Variants in OXR1 observed in about 807,000 individuals in gnomAD.
The protein encoded by OXR1 is oxidation resistance protein 1.
OXR1 carries 41 observed loss-of-function variants against 104.6 expected under a neutral mutation model. The observed-to-expected ratio is 0.39, with a 90% CI of 0.31 to 0.51. The LOEUF (loss-of-function observed/expected upper bound fraction) is 0.51. Among genes scored for constraint, OXR1 ranks in the 20% least tolerant of loss-of-function variants. OXR1 has a pLI of 0.77. For missense variants in OXR1, 955 were observed against 1,031.9 expected, an observed-to-expected ratio of 0.93 and a Z score of 1.02; for synonymous variants, 348 against 348.4, an observed-to-expected ratio of 1.00 and a Z score of 0.01.
At chr8:106,670,875 C>A (rs994446355) in intron 3 of OXR1, among the ~76,000 whole-genome samples, 1 of 150,970 alleles carries the variant, frequency 6.6e-6, no homozygotes, top group Non-Finnish European at 1.5e-5. Context: ...ATGGGGAAAC[C>A]CTGTCTCTAC....
chr8:106,432,222 T>C (rs1819389696), intron 2 of OXR1, among the ~76,000 whole-genome samples: 2 of 152,138 alleles, frequency 1.3e-5, no homozygotes, highest in Admixed American at 1.3e-4. Flanking sequence ...AGTGCAACAC[T>C]ACTCCATCTT....
chr8:106,351,701 G>A (rs949908501), intron 1 of OXR1, among the ~76,000 whole-genome samples: 11 of 152,136 alleles, frequency 7.2e-5, no homozygotes, highest in Admixed American at 2.0e-4. Context: ...ACTTTACTGC[G>A]AGGGCAATAT....
intron 2 of OXR1, among the ~76,000 whole-genome samples, chr8:106,425,308 C>G (rs1819069516): frequency 6.6e-6 from 1 of 151,922 alleles, no homozygotes; most frequent in South Asian, 2.1e-4. Flanking sequence ...AAGCTGTTCT[C>G]CCTCCTTAGC....
At chr8:106,631,860 T>G (rs1822714421) in intron 3 of OXR1, among the ~76,000 whole-genome samples, 1 of 152,186 alleles carries the variant, frequency 6.6e-6, no homozygotes, top group South Asian at 2.1e-4. Flanking sequence ...ATCCCTTCAG[T>G]AAAGTTCTGA....
At position 106,483,931 on chromosome 8, in the gene OXR1, CCAAGGGAATTTGAAT is replaced by C. The variant is rs1822289555; in HGVS notation, c.24-35009_24-34995del. Among the ~76,000 whole-genome samples the C allele has an allele frequency of 2.0e-5, 3 of 151,902 alleles. No individual in the cohort carries two copies. In the South Asian group the frequency reaches 6.2e-4, roughly 32 times the overall value. On this transcript the variant is annotated intron_variant, in intron 2 of 16. Coordinates refer to ENST00000517566, the MANE Select transcript of OXR1 (RefSeq NM_001198533.2). The stretch of plus-strand genomic sequence containing the variant: ...TACATTTGATTTTGAAGAACTCAGC[CCAAGGGAATTTGAAT>C]CACTTGTTAGTCTCTCACTCTGTTT...
At chr8:106,434,454 G>A (rs770425030) in intron 2 of OXR1, among the ~76,000 whole-genome samples, 23 of 152,150 alleles carry the variant, frequency 1.5e-4, no homozygotes, top group Admixed American at 7.2e-4. Flanking sequence ...AGTATAGTAT[G>A]GACAGTTTCC....
chr8:106,586,793 G>A (rs1818663841), intron 3 of OXR1, among the ~76,000 whole-genome samples: 1 of 152,160 alleles, frequency 6.6e-6, no homozygotes, highest in Non-Finnish European at 1.5e-5. Flanking sequence ...CAGGTGGGAA[G>A]AAGATAGAGA....
intron 3 of OXR1, among the ~76,000 whole-genome samples, chr8:106,638,868 T>C (rs1436733141): frequency 7.0e-6 from 1 of 141,986 alleles, no homozygotes; most frequent in Non-Finnish European, 1.5e-5. Flanking sequence ...CACTCCAACC[T>C]GGGCGCAAGA....
At chr8:106,488,348 G>A (rs1254578886) in intron 2 of OXR1, among the ~76,000 whole-genome samples, 6 of 134,962 alleles carry the variant, frequency 4.4e-5, no homozygotes, top group Non-Finnish European at 9.5e-5. Context: ...AGTAGGTTGC[G>A]AAAATTTTCT....
rs1827153317 is a variant in OXR1 at position 106,672,575 on chromosome 8, AAAG to A, written c.221-6629_221-6627del. ...AAGAGAGAAAGGAAGGAAGGGAAAG[AAAG>A]AAGAAATAAACAAAAAGGACCTGCT... On this transcript the variant is annotated intron_variant, in intron 3 of 16. Coordinates refer to ENST00000517566, the MANE Select transcript of OXR1 (RefSeq NM_001198533.2). 3.3e-5 allele frequency among the ~76,000 whole-genome samples: 5 copies of A among 152,192 alleles called. No individual in the cohort carries two copies. In the South Asian group the frequency reaches 1.0e-3, roughly 32 times the overall value.
At chr8:106,697,343 CT>C in intron 7 of OXR1, 1 of 1,039,660 alleles carries the variant, frequency 9.6e-7, no homozygotes, top group East Asian at 2.4e-5. Flanking sequence ...CTGGGGCTCT[CT>C]GGGAATGTCA....
chr8:106,575,074 TC>T (rs1817731429), intron 3 of OXR1, among the ~76,000 whole-genome samples: 1 of 152,182 alleles, frequency 6.6e-6, no homozygotes, highest in African/African-American at 2.4e-5. Context: ...AAAATGTGAT[TC>T]TCAATATCAT....
chr8:106,605,950 G>GTGGATGATAATAATAAAATA (rs1475708457), intron 3 of OXR1, among the ~76,000 whole-genome samples: 3 of 152,158 alleles, frequency 2.0e-5, no homozygotes. Context: ...ATAATAAAAT[G>GTGGATGATAATAATAAAATA]TGGATGATAA....
intron 2 of OXR1, among the ~76,000 whole-genome samples, chr8:106,458,640 G>A (rs1171946578): frequency 3.3e-5 from 5 of 152,084 alleles, no homozygotes; most frequent in Non-Finnish European, 7.4e-5. Context: ...AGAACTGGAG[G>A]CATGAGACTC....
At chr8:106,428,608 C>CTTT (rs36049400) in intron 2 of OXR1, among the ~76,000 whole-genome samples, 2 of 139,150 alleles carry the variant, frequency 1.4e-5, no homozygotes, top group African/African-American at 5.3e-5. Flanking sequence ...CTGCCAATGT[C>CTTT]TTTTTTTTTT....
chr8:106,309,491 C>CAAT, intron 1 of OXR1, among the ~76,000 whole-genome samples: 1 of 152,110 alleles, frequency 6.6e-6, no homozygotes, highest in Non-Finnish European at 1.5e-5. Flanking sequence ...TTTAGTGGAC[C>CAAT]TATTATCAGT....
intron 1 of OXR1, among the ~76,000 whole-genome samples, chr8:106,342,039 C>G (rs963741561): frequency 1.7e-5 from 2 of 120,908 alleles, no homozygotes; most frequent in African/African-American, 8.0e-5. Flanking sequence ...CCATGCCCAG[C>G]TGATTAAAAA....
At chr8:106,665,950 T>G (rs1057294413) in intron 3 of OXR1, among the ~76,000 whole-genome samples, 4 of 150,304 alleles carry the variant, frequency 2.7e-5, no homozygotes, top group East Asian at 3.9e-4. Flanking sequence ...AGTGAGAATA[T>G]AACAAAAAAA....
At position 106,299,091 on chromosome 8, in the gene OXR1, A is replaced by C. The variant is rs573483230; in HGVS notation, c.-139+28724A>C. Among the ~76,000 whole-genome samples, 27 of 152,290 alleles carry C rather than the reference A, an allele frequency of 1.8e-4. 1 individual carries two copies. In the South Asian group the frequency reaches 5.6e-3, roughly 32 times the overall value. ...CCCAAATCTCAGTGTTTTAGACCAC[A>C]AAAGTTCATTGCTCACTCATGTGAA... On this transcript the variant is annotated intron_variant, in intron 1 of 16. Coordinates refer to ENST00000517566, the MANE Select transcript of OXR1 (RefSeq NM_001198533.2).
Sources: allele counts gnomAD v4.1 joint callset (sites outside exome capture counted in the v4.1 genomes callset), GRCh38; gene constraint gnomAD v4.1.1; transcripts MANE v1.5; gene names NCBI Gene and HGNC (gene_info 2026-07-23, HGNC 2026-07-21).